TENM3: variants seen among roughly 807,000 people sequenced by gnomAD.
TENM3 encodes teneurin-3.
A neutral mutation model predicts 255.1 loss-of-function variants in TENM3; 63 were observed. The observed-to-expected ratio is 0.25, with a 90% CI of 0.20 to 0.30. The LOEUF is 0.30. TENM3 is among the 10% of genes least tolerant of loss of function. TENM3 has a pLI of 1.00. For missense variants in TENM3, 2,929 were observed against 3,461.1 expected (o/e 0.85, Z 3.86); for synonymous variants, 1,306 against 1,322.3 (o/e 0.99, Z 0.27).
chr4:182,169,715 C>G (rs76477749), intron 1 of TENM3, among the ~76,000 whole-genome samples: 1 of 152,050 alleles, frequency 6.6e-6, no homozygotes, highest in East Asian at 1.9e-4. Flanking sequence ...AGCAAAAGAC[C>G]TCTCCTGTGG....
Position 182,773,634 on chromosome 4 carries a change from C to T in TENM3, c.5055C>T (p.Tyr1685=), listed in dbSNP as rs1764448746. 2.5e-6 allele frequency: 4 copies of T among 1,612,086 alleles called. No individual in the cohort carries two copies. Among genetic ancestry groups the T allele is most frequent in the African/African-American group, 2.7e-5 (2 of 74,894 alleles). The change falls in exon 23 of 28, where the codon TAC becomes TAT. Residue 1685 remains tyrosine, a synonymous_variant. Coordinates refer to ENST00000511685, the MANE Select transcript of TENM3 (RefSeq NM_001080477.4). The part of the protein sequence containing the change: ...TSNLSSIDSF[Y]TMVQDQLRNS... ...ATCTGTCCTCGATCGATTCTTTCTA[C>T]ACCATGGTTCAAGGTAAACACGAAA...
At chr4:181,530,336 A>G in the TENM3 span, among the ~76,000 whole-genome samples, 3 of 152,358 alleles carry the variant, frequency 2.0e-5, no homozygotes, top group South Asian at 6.2e-4. Context: ...GATCTTAGGA[A>G]GTGATCTCTC....
rs1763248778 is a variant in TENM3 at position 182,324,198 on chromosome 4, G to A, written c.178G>A (p.Gly60Ser). The change falls in exon 2 of 28, where the codon GGC becomes AGC. Residue 60 changes from glycine (G) to serine (S), a missense_variant. Coordinates refer to ENST00000511685, the MANE Select transcript of TENM3 (RefSeq NM_001080477.4). ...TCATGATTCCTCGCGGCTGCTTTAC[G>A]GCAACAGAGTGAAGGATTTGGTTCA... Reference protein sequence around the residue: ...FDHDSSRLLYGNRVKDLVHRE... With the variant: ...FDHDSSRLLYSNRVKDLVHRE... 16 of 1,613,962 alleles carry A rather than the reference G, an allele frequency of 9.9e-6. No homozygotes were observed. The highest frequency in any genetic ancestry group is 1.4e-5 in the Non-Finnish European group (16 of 1,179,888).
At chr4:182,196,829 G>A (rs368122159) in intron 1 of TENM3, among the ~76,000 whole-genome samples, 2 of 152,056 alleles carry the variant, frequency 1.3e-5, no homozygotes, top group African/African-American at 2.4e-5. Context: ...TCACATCTCC[G>A]TACCAAAACC....
intron 3 of TENM3, among the ~76,000 whole-genome samples, chr4:182,483,869 TTCTTAACCAGATC>T (rs1480659390): frequency 3.3e-5 from 5 of 151,990 alleles, no homozygotes; most frequent in Non-Finnish European, 7.4e-5. Flanking sequence ...GTGCTACCCA[TTCTTAACCAGATC>T]TCGCGAGAAC....
At chr4:181,559,851 C>T in the TENM3 span, among the ~76,000 whole-genome samples, 17 of 152,256 alleles carry the variant, frequency 1.1e-4, no homozygotes, top group African/African-American at 3.9e-4. Flanking sequence ...AGAAACCACA[C>T]GCAGGAGACA....
intron 1 of TENM3, among the ~76,000 whole-genome samples, chr4:182,219,311 C>A (rs989146261): frequency 2.5e-4 from 38 of 152,134 alleles, no homozygotes; most frequent in Non-Finnish European, 5.1e-4. Flanking sequence ...AAATTCATTT[C>A]TCCTAGTTTG....
the TENM3 span, among the ~76,000 whole-genome samples, chr4:181,657,322 C>T: frequency 1.4e-4 from 22 of 152,258 alleles, no homozygotes; most frequent in South Asian, 3.9e-3. Context: ...AACAATTCAA[C>T]AAGCATAAAA....
the TENM3 span, among the ~76,000 whole-genome samples, chr4:182,065,661 GAC>G: frequency 6.6e-6 from 1 of 152,136 alleles, no homozygotes; most frequent in African/African-American, 2.4e-5. Context: ...TTTGGGCAGA[GAC>G]ACACATAGAA....
chr4:182,404,733 T>G (rs948037858), intron 3 of TENM3, among the ~76,000 whole-genome samples: 1 of 152,172 alleles, frequency 6.6e-6, no homozygotes, highest in African/African-American at 2.4e-5. Context: ...ATTAATGCAT[T>G]CACTTATGTT....
chr4:182,580,775 T>C (rs1317896107), intron 3 of TENM3, among the ~76,000 whole-genome samples: 1 of 152,200 alleles, frequency 6.6e-6, no homozygotes, highest in Non-Finnish European at 1.5e-5. Flanking sequence ...TGATTGCAAA[T>C]TATGTGTGGT....
At chr4:181,831,837 GA>G in the TENM3 span, among the ~76,000 whole-genome samples, 6 of 152,174 alleles carry the variant, frequency 3.9e-5, no homozygotes, top group African/African-American at 1.4e-4. Context: ...TACCATGGGT[GA>G]AAAGGAATTT....
chr4:181,896,601 T>C, the TENM3 span, among the ~76,000 whole-genome samples: 1 of 152,172 alleles, frequency 6.6e-6, no homozygotes, highest in African/African-American at 2.4e-5. Context: ...CATGGTACAC[T>C]CTAAATGCAC....
At chr4:182,615,046 C>CAT (rs10570169) in intron 4 of TENM3, among the ~76,000 whole-genome samples, 32,665 of 111,614 alleles carry the variant, frequency 0.29, 4,553 homozygotes, top group African/African-American at 0.34. Flanking sequence ...AAAAAAAATA[C>CAT]ATATATATAT....
At chr4:182,243,217 C>G (rs1757395551), upstream of TENM3, among the ~76,000 whole-genome samples, 2 of 152,180 alleles carry the variant, frequency 1.3e-5, no homozygotes, top group Admixed American at 6.5e-5. Flanking sequence ...CGGGTTCAAG[C>G]AATTCCCCTG....
chr4:182,588,213 T>A (rs940024777), intron 3 of TENM3, among the ~76,000 whole-genome samples: 8 of 152,190 alleles, frequency 5.3e-5, no homozygotes, highest in African/African-American at 1.9e-4. Context: ...AGAAGTTAAT[T>A]GATTTATATA....
At chr4:182,088,192 G>T in the TENM3 span, among the ~76,000 whole-genome samples, 1 of 152,186 alleles carries the variant, frequency 6.6e-6, no homozygotes, top group Non-Finnish European at 1.5e-5. Context: ...GCTAGATATT[G>T]AATACTTTAA....
chr4:182,387,116 C>A (rs183393836), intron 3 of TENM3, among the ~76,000 whole-genome samples: 1 of 152,110 alleles, frequency 6.6e-6, no homozygotes, highest in Non-Finnish European at 1.5e-5. Context: ...ATGCACCAAC[C>A]GACACCCTGT....
chr4:182,223,792 A>AAAT (rs1755985491), intron 1 of TENM3, among the ~76,000 whole-genome samples: 1 of 151,534 alleles, frequency 6.6e-6, no homozygotes, highest in Non-Finnish European at 1.5e-5. Flanking sequence ...GCAAAAAAAA[A>AAAT]AAAAAAAAAG....
Sources: gnomAD v4.1 joint callset for allele counts (sites outside exome capture counted in the v4.1 genomes callset) on GRCh38, gnomAD v4.1.1 for gene constraint, MANE v1.5 for transcripts, NCBI Gene and HGNC (gene_info 2026-07-23, HGNC 2026-07-21) for gene names.